KIF26B: variants seen among roughly 807,000 people sequenced by gnomAD.
KIF26B encodes kinesin family member 26B.
A neutral mutation model predicts 151.2 loss-of-function variants in KIF26B; 63 were observed. That is an observed-to-expected ratio of 0.42 (90% confidence interval 0.34 to 0.51). KIF26B has a LOEUF of 0.51. Ranked by LOEUF, KIF26B falls within the 20% of genes least tolerant of loss-of-function variation. The pLI, the probability that KIF26B is intolerant of heterozygous loss-of-function variation, is 0.07. For missense variants in KIF26B, 2,813 were observed against 2,913.6 expected (o/e 0.97, Z 0.79); for synonymous variants, 1,357 against 1,262.1 (o/e 1.08, Z -1.59).
intron 2 of KIF26B, among the ~76,000 whole-genome samples, chr1:245,326,940 C>T (rs1001393892): frequency 2.6e-5 from 4 of 152,338 alleles, no homozygotes; most frequent in African/African-American, 9.6e-5. Flanking sequence ...TCACATCCAT[C>T]TCTCAGTCTT....
intron 4 of KIF26B, among the ~76,000 whole-genome samples, chr1:245,440,182 C>A (rs1659040679): frequency 6.6e-6 from 1 of 151,612 alleles, no homozygotes; most frequent in Non-Finnish European, 1.5e-5. Context: ...GATCGTGCCA[C>A]TGCACACCAG....
intron 4 of KIF26B, among the ~76,000 whole-genome samples, chr1:245,462,156 G>C (rs1659661922): frequency 6.6e-6 from 1 of 152,072 alleles, no homozygotes; most frequent in Non-Finnish European, 1.5e-5. Flanking sequence ...ATGAAAAAAA[G>C]AAGAAGAAAT....
At chr1:245,269,752 C>T (rs577271968) in intron 2 of KIF26B, among the ~76,000 whole-genome samples, 3 of 151,930 alleles carry the variant, frequency 2.0e-5, no homozygotes, top group Admixed American at 6.6e-5. Context: ...CGTGAGCCAC[C>T]GCACCTGCCC....
At chr1:245,609,127 C>A in intron 7 of KIF26B, 139 bp from the exon 8 acceptor site, 1 of 747,376 alleles carries the variant, frequency 1.3e-6, no homozygotes, top group Non-Finnish European at 2.1e-6. Flanking sequence ...TACTATTTCT[C>A]TCATCTTTTT....
chr1:245,207,722 T>C (rs1176761684), intron 2 of KIF26B, among the ~76,000 whole-genome samples: 1 of 152,174 alleles, frequency 6.6e-6, no homozygotes, highest in Non-Finnish European at 1.5e-5. Context: ...TCCTCCGTGC[T>C]AAGTTGGTAG....
intron 4 of KIF26B, among the ~76,000 whole-genome samples, chr1:245,426,235 T>G (rs1432399968): frequency 6.6e-6 from 1 of 151,912 alleles, no homozygotes; most frequent in Non-Finnish European, 1.5e-5. Flanking sequence ...TCCCTTCCTG[T>G]TTTTCCATCT....
At chr1:245,264,423 C>T (rs1670703436) in intron 2 of KIF26B, among the ~76,000 whole-genome samples, 1 of 152,124 alleles carries the variant, frequency 6.6e-6, no homozygotes, top group Non-Finnish European at 1.5e-5. Context: ...ATGCTTCTTG[C>T]CCCAAATGAC....
intron 2 of KIF26B, among the ~76,000 whole-genome samples, chr1:245,361,488 GC>G (rs1274350429): frequency 6.6e-6 from 1 of 152,184 alleles, no homozygotes; most frequent in African/African-American, 2.4e-5. Flanking sequence ...CGGTGTTCAT[GC>G]CCGCACCATT....
intron 9 of KIF26B, among the ~76,000 whole-genome samples, chr1:245,625,685 C>T (rs2043716072): frequency 6.6e-6 from 1 of 152,080 alleles, no homozygotes; most frequent in Non-Finnish European, 1.5e-5. Context: ...TTAACTATAG[C>T]CTCCTACTGT....
chr1:245,173,162 A>G (rs1349178238), intron 2 of KIF26B, among the ~76,000 whole-genome samples: 1 of 152,220 alleles, frequency 6.6e-6, no homozygotes, highest in African/African-American at 2.4e-5. Context: ...GACAAATATT[A>G]TATGATTCTG....
chr1:245,681,401 G>A (rs1395546059), intron 10 of KIF26B, among the ~76,000 whole-genome samples: 1 of 152,014 alleles, frequency 6.6e-6, no homozygotes, highest in Admixed American at 6.5e-5. Context: ...GGTAGAGATG[G>A]GGTTTCACCG....
intron 2 of KIF26B, among the ~76,000 whole-genome samples, chr1:245,362,651 T>C (rs563229202): frequency 3.9e-5 from 6 of 152,284 alleles, no homozygotes; most frequent in African/African-American, 1.4e-4. Context: ...CTAATTAAGA[T>C]TTGGCCACAT....
intron 2 of KIF26B, chr1:245,226,205 T>C (rs1669869640): frequency 6.6e-6 from 1 of 152,236 alleles, no homozygotes; most frequent in Non-Finnish European, 1.5e-5. Context: ...CGTCCACCAG[T>C]GACAGCACTT....
In KIF26B at chr1:245,686,325, G is replaced by A. The variant is rs140902772; in HGVS notation, c.3342G>A (p.Ala1114=). Residue 1114 remains alanine (A), a synonymous_variant, in exon 12 of 15, where the codon GCG becomes GCA. Transcript: ENST00000407071. This position sits in a 1 kb window ranked among gnomAD's most constrained non-coding sequence, Gnocchi z 5.6. ...LPPSSKDSGV[A]SRESLLQPEV... is the part of the protein sequence containing the mutation. ...CCTCGAGCAAGGATTCCGGCGTGGCGTCTAGGGAGTCCTTGCTGCAGCCCG... is the reference window on the plus strand; with the variant it reads ...CCTCGAGCAAGGATTCCGGCGTGGCATCTAGGGAGTCCTTGCTGCAGCCCG... 682 of 1,613,186 alleles carry A rather than the reference G, an allele frequency of 4.2e-4. 5 individuals carry two copies. In the East Asian group the frequency reaches 0.011, roughly 26 times the overall value.
intron 2 of KIF26B, among the ~76,000 whole-genome samples, chr1:245,243,731 G>C (rs1192073728): frequency 3.9e-5 from 6 of 152,022 alleles, no homozygotes; most frequent in African/African-American, 7.2e-5. Context: ...CACGCCTGTA[G>C]TCCCAGTTAC....
intron 2 of KIF26B, among the ~76,000 whole-genome samples, chr1:245,243,011 C>T (rs1307296445): frequency 6.6e-6 from 1 of 152,184 alleles, no homozygotes. Context: ...CAGTTACCTA[C>T]AGTGCTGCTG....
In KIF26B at chr1:245,375,541, C is replaced by A. The variant is rs1006449102; in HGVS notation, c.999+8174C>A. Among the ~76,000 whole-genome samples the A allele has an allele frequency of 6.6e-6, 1 of 152,088 alleles. No homozygotes were observed. The highest frequency in any genetic ancestry group is 1.5e-5 in the Non-Finnish European group (1 of 68,020). ...TTGGCTTTGATGATGGAAGAAGGAA[C>A]CTCTAGAAGCTGAGGACGGCAAGGG... On this transcript the variant is annotated intron_variant, in intron 3 of 14. Transcript: ENST00000407071. This position sits in a 1 kb window ranked among gnomAD's most constrained non-coding sequence, Gnocchi z 4.2.
intron 9 of KIF26B, among the ~76,000 whole-genome samples, chr1:245,631,289 G>A (rs2043778710): frequency 6.6e-6 from 1 of 152,174 alleles, no homozygotes; most frequent in Non-Finnish European, 1.5e-5. Context: ...TTGCTATGCT[G>A]AGGCATGTTT....
chr1:245,461,479 G>T (rs1353102354), intron 4 of KIF26B, among the ~76,000 whole-genome samples: 3 of 152,002 alleles, frequency 2.0e-5, no homozygotes, highest in Non-Finnish European at 4.4e-5. Flanking sequence ...CGCTCATCAC[G>T]TGTCCTGCAA....
Sources: allele counts gnomAD v4.1 joint callset (sites outside exome capture counted in the v4.1 genomes callset), GRCh38; gene constraint gnomAD v4.1.1; non-coding constraint Gnocchi (gnomAD v3.1); transcripts MANE v1.5; gene names NCBI Gene and HGNC (gene_info 2026-07-23, HGNC 2026-07-21).